ZXDC: variants seen among roughly 807,000 people sequenced by gnomAD.
The protein encoded by ZXDC is zinc finger protein ZXDC.
ZXDC carries 58 observed loss-of-function variants against 63.6 expected under a neutral mutation model. The observed-to-expected ratio is 0.91, with a 90% CI of 0.74 to 1.13. The LOEUF (loss-of-function observed/expected upper bound fraction) is 1.13. ZXDC is among the 50% of genes most tolerant of loss of function. The probability of loss-of-function intolerance (pLI) is 0.00; values close to 1 mark genes in which losing one functional copy is unlikely to be tolerated. For synonymous variants in ZXDC, 561 were observed against 496.1 expected (o/e 1.13, Z -1.74); for missense variants, 1,133 against 1,148.9 (o/e 0.99, Z 0.20).
Position 126,475,137 on chromosome 3 carries a change from G to C in ZXDC, c.729C>G (p.Gly243=). The C allele has an allele frequency of 6.2e-7, 1 of 1,609,472 alleles. No homozygotes were observed. The highest frequency in any genetic ancestry group is 8.5e-7 in the Non-Finnish European group (1 of 1,177,946). The stretch of plus-strand genomic sequence containing the variant: ...CCGTAGTGAACTTCTTGCCACAGCC[G>C]CCCACTGGACAGCCGAAGGGCCGCA... ...DKLRPFGCPV[G]GCGKKFTTVY... The change falls in exon 1 of 10, where the codon GGC becomes GGG. Residue 243 remains glycine (G), a synonymous_variant. Transcript: ENST00000389709.
intron 5 of ZXDC, among the ~76,000 whole-genome samples, chr3:126,465,782 C>G (rs911812825): frequency 6.6e-6 from 1 of 152,108 alleles, no homozygotes; most frequent in South Asian, 2.1e-4. Context: ...GAAACCCTGT[C>G]TCTATAAAAA....
At chr3:126,454,591 T>C in intron 7 of ZXDC, 3 of 985,444 alleles carry the variant, frequency 3.0e-6, no homozygotes, top group Non-Finnish European at 3.6e-6. Flanking sequence ...ATGTATTCAA[T>C]CTTCGTCTCT....
intron 8 of ZXDC, chr3:126,440,827 T>A (rs1020520208): frequency 1.0e-6 from 1 of 986,458 alleles, no homozygotes; most frequent in Admixed American, 6.1e-5. Flanking sequence ...CTGCCCAGGC[T>A]GCCCCTCCTC....
chr3:126,471,881 A>C lies in ZXDC; in HGVS notation c.1139+92T>G, dbSNP rs142608491. On this transcript the variant is annotated intron_variant, in intron 3 of 9. Coordinates refer to ENST00000389709, the MANE Select transcript of ZXDC (RefSeq NM_025112.5). Reference sequence around the variant, plus strand: ...TGAGCTCCTTTTTTAACAACTTAAAAAATGTCTACAGATATTTCATTCATT... The same window carrying C: ...TGAGCTCCTTTTTTAACAACTTAAACAATGTCTACAGATATTTCATTCATT... 306 of 1,124,118 alleles carry C rather than the reference A, an allele frequency of 2.7e-4. No individual in the cohort carries two copies. The African/African-American group carries it at 3.1e-3, about 11-fold the overall frequency. 69.6% of individuals were successfully genotyped at this position (1,124,118 alleles called of 1,614,324 possible). A position where few individuals can be genotyped will look rare whatever the true frequency, so the allele number is the denominator to read the frequency against.
chr3:126,444,139 G>A (rs1933783105), intron 7 of ZXDC, among the ~76,000 whole-genome samples: 1 of 152,204 alleles, frequency 6.6e-6, no homozygotes, highest in South Asian at 2.1e-4. Context: ...CAGCAGCAGG[G>A]CCGGTGCTGC....
At chr3:126,449,534 C>G (rs536204642) in intron 7 of ZXDC, among the ~76,000 whole-genome samples, 31 of 152,378 alleles carry the variant, frequency 2.0e-4, no homozygotes, top group African/African-American at 6.5e-4. Flanking sequence ...CCACACCTCA[C>G]CTGGCGGTCC....
chr3:126,460,562 C>G, intron 6 of ZXDC: 1 of 985,460 alleles, frequency 1.0e-6, no homozygotes, highest in Non-Finnish European at 1.2e-6. Context: ...AGTCCTGGCA[C>G]CAGGGACTGA....
Position 126,475,009 on chromosome 3 carries a change from T to C in ZXDC, c.857A>G (p.His286Arg). Residue 286 changes from histidine (H) to arginine (R), a missense_variant, in exon 1 of 10, where the codon CAC becomes CGC. Transcript: ENST00000389709. ...RFPTHAKLSS[H>R]QRSHFEPERP... The stretch of plus-strand genomic sequence containing the variant: ...CTCGGGCTCGAAGTGGCTGCGCTGG[T>C]GGGAGCTGAGCTTGGCGTGCGTGGG... 1 of 1,595,938 alleles carries C rather than the reference T, an allele frequency of 6.3e-7. No individual in the cohort carries two copies. Among genetic ancestry groups the C allele is most frequent in the Non-Finnish European group, 8.5e-7 (1 of 1,172,010 alleles).
In ZXDC at chr3:126,438,222, A is replaced by T; in HGVS notation, c.*153T>A. The T allele has an allele frequency of 1.5e-6, 1 of 686,178 alleles. No homozygotes were observed. Among genetic ancestry groups the T allele is most frequent in the East Asian group, 2.7e-5 (1 of 36,698 alleles). 42.5% of individuals were successfully genotyped at this position (686,178 alleles called of 1,614,324 possible). ...CTCATTCCTGGTAAAACAAAAGGAAAACATTTTTGATAAATGTACCCAAAA... is the reference window on the plus strand; with the variant it reads ...CTCATTCCTGGTAAAACAAAAGGAATACATTTTTGATAAATGTACCCAAAA... On this transcript the variant is annotated 3_prime_UTR_variant, in exon 10 of 10. Coordinates refer to ENST00000389709, the MANE Select transcript of ZXDC (RefSeq NM_025112.5).
intron 6 of ZXDC, chr3:126,460,793 T>C (rs967946315): frequency 2.1e-5 from 21 of 985,224 alleles, no homozygotes; most frequent in Middle Eastern, 1.0e-3. Flanking sequence ...TCACAACTGA[T>C]CCTACTGCAA....
chr3:126,453,187 T>C (rs1245793289), intron 7 of ZXDC: 2 of 985,350 alleles, frequency 2.0e-6, no homozygotes, highest in Non-Finnish European at 2.4e-6. Flanking sequence ...CTGCATTTTG[T>C]TGCAAGTATT....
At chr3:126,469,976 C>T (rs1934917300) in intron 4 of ZXDC, among the ~76,000 whole-genome samples, 2 of 152,178 alleles carry the variant, frequency 1.3e-5, no homozygotes, top group Non-Finnish European at 2.9e-5. Context: ...TTGACTGAGG[C>T]CACCACTTTA....
rs1447124427 is a variant in ZXDC at position 126,441,921 on chromosome 3, T to TA, written c.2237_2238insT (p.Lys746AsnfsTer55). On this transcript the variant is annotated frameshift_variant, in exon 8 of 10. Transcript: ENST00000389709. LOFTEE classifies it high-confidence loss of function. ...GAGGACTCATTTTGCCTTCTTTTAT[T>TA]TTTCTCTGAGTAGACTGTGAGGCTC... The TA allele has an allele frequency of 5.6e-6, 9 of 1,610,830 alleles. No homozygotes were observed. Among genetic ancestry groups the TA allele is most frequent in the Non-Finnish European group, 6.8e-6 (8 of 1,178,720 alleles).
chr3:126,462,280 T>A, intron 5 of ZXDC, 60 bp from the exon 6 acceptor site: 2 of 1,519,930 alleles, frequency 1.3e-6, no homozygotes. Context: ...AGTACTTTTG[T>A]TTATGCCCAT....
intron 7 of ZXDC, chr3:126,453,005 T>C: frequency 1.0e-6 from 1 of 985,348 alleles, no homozygotes; most frequent in Middle Eastern, 5.2e-4. Context: ...CCCACAGTGC[T>C]GGGATTACAG....
Position 126,471,862 on chromosome 3 carries a change from CCTT to C in ZXDC, c.1139+108_1139+110del. On this transcript the variant is annotated intron_variant, in intron 3 of 9. Transcript: ENST00000389709. ...TTTTCCAAATCATCAACACTGAGCT[CCTT>C]TTTTAACAACTTAAAAAATGTCTAC... 11 of 926,554 alleles carry C rather than the reference CCTT, an allele frequency of 1.2e-5. No homozygotes were observed. The South Asian group carries it at 1.4e-4, about 12-fold the overall frequency. The allele number at this position is 926,554 out of a possible 1,614,324, so 57.4% of individuals were successfully genotyped here.
chr3:126,463,131 C>T (rs1934622852), intron 5 of ZXDC, among the ~76,000 whole-genome samples: 1 of 151,836 alleles, frequency 6.6e-6, no homozygotes, highest in African/African-American at 2.4e-5. Context: ...TGCAGTGGCG[C>T]GATCTCGGCT....
chr3:126,469,914 G>C (rs1010527132), intron 4 of ZXDC, among the ~76,000 whole-genome samples: 1 of 152,176 alleles, frequency 6.6e-6, no homozygotes, highest in South Asian at 2.1e-4. Flanking sequence ...CTTTAAATGG[G>C]TCTTTATTAT....
At chr3:126,441,706 G>A (rs1933683910) in intron 8 of ZXDC, 59 bp downstream of exon 8, 2 of 1,510,248 alleles carry the variant, frequency 1.3e-6, no homozygotes. Flanking sequence ...ACACTGCTCA[G>A]ACCTGCGTGA....
Sources: gnomAD v4.1 joint callset for allele counts (sites outside exome capture counted in the v4.1 genomes callset) on GRCh38, gnomAD v4.1.1 for gene constraint, MANE v1.5 for transcripts, NCBI Gene and HGNC (gene_info 2026-07-23, HGNC 2026-07-21) for gene names.